The following CEP350 variants were observed in gnomAD, a reference collection of about 807,000 sequenced individuals.
CEP350 encodes centrosomal protein 350.
In CEP350, 126 loss-of-function variants were observed where a neutral mutation model predicts 331.8. The observed-to-expected ratio is 0.38, with a 90% CI of 0.33 to 0.44. The LOEUF (loss-of-function observed/expected upper bound fraction) is 0.44, where lower values mean the gene tolerates loss of function less well. CEP350 is among the 20% of genes least tolerant of loss of function. The pLI is 1.00. For missense variants in CEP350, 3,406 were observed against 3,634.6 expected (o/e 0.94, Z 1.62); for synonymous variants, 1,200 against 1,259.5 (o/e 0.95, Z 1.00).
rs901248878 is a variant in CEP350 at position 180,114,824 on chromosome 1, A to C, written c.*3663A>C. 2.6e-5 allele frequency: 4 copies of C among 152,668 alleles called. No individual in the cohort carries two copies. The highest frequency in any genetic ancestry group is 9.6e-5 in the African/African-American group (4 of 41,466). The allele number at this position is 152,668 out of a possible 1,614,324, so 9.5% of individuals were successfully genotyped here. A position where few individuals can be genotyped will look rare whatever the true frequency, so the allele number is the denominator to read the frequency against. On this transcript the variant is annotated 3_prime_UTR_variant, in exon 38 of 38. Coordinates refer to ENST00000367607, the MANE Select transcript of CEP350 (RefSeq NM_014810.5). ...CCTGTGTAAATAGATTTGTTAACTG[A>C]AATATACTTTAAGAAAGATAAAATC...
chr1:180,020,484 G>T lies in CEP350; in HGVS notation c.2710G>T (p.Ala904Ser). The change falls in exon 12 of 38, where the codon GCA becomes TCA. Residue 904 changes from alanine (A) to serine (S), a missense_variant. This residue lies in a region of CEP350 where 1,857 missense variants were observed against 1,909.2 expected (regional missense o/e 0.97). Coordinates refer to ENST00000367607, the MANE Select transcript of CEP350 (RefSeq NM_014810.5). ...QKMLGSCVSH[A>S]TFDDDLPGVG... ...GATGCTGGGAAGCTGTGTATCTCAT[G>T]CAACTTTTGATGATGATCTTCCTGG... is the stretch of plus-strand genomic sequence containing the variant. The T allele has an allele frequency of 6.2e-7, 1 of 1,613,966 alleles. No individual in the cohort carries two copies. Among genetic ancestry groups the T allele is most frequent in the Non-Finnish European group, 8.5e-7 (1 of 1,179,896 alleles).
At chr1:180,004,873 G>GGCTGGCTTGCTTGCTTGCTT (rs1265597009) in intron 7 of CEP350, among the ~76,000 whole-genome samples, 46 of 100,602 alleles carry the variant, frequency 4.6e-4, no homozygotes, top group Non-Finnish European at 8.1e-4. Context: ...CAGGCTGGCT[G>GGCTGGCTTGCTTGCTTGCTT]GCTTGCTTGC....
At chr1:179,991,791 C>T (rs937019802) in intron 4 of CEP350, among the ~76,000 whole-genome samples, 7 of 147,844 alleles carry the variant, frequency 4.7e-5, no homozygotes, top group African/African-American at 1.7e-4. Context: ...TGAGTGAGAG[C>T]CATGACAAAA....
rs918408046 is a variant in CEP350 at position 179,954,832 on chromosome 1, C to T, written c.-324C>T. On this transcript the variant is annotated 5_prime_UTR_variant, in exon 1 of 38. Transcript: ENST00000367607. ...GTCAGTTGTTGGGCTGTAATGGCGA[C>T]TGGGCCGCCCCTGACGAAGTGACTC... The T allele has an allele frequency of 7.7e-5, 33 of 428,744 alleles. No homozygotes were observed. The highest frequency in any genetic ancestry group is 1.1e-4 in the Non-Finnish European group (27 of 243,320). The allele number at this position is 428,744 out of a possible 1,614,324, so 26.6% of individuals were successfully genotyped here.
chr1:180,022,266 A>C (rs1429972301), intron 12 of CEP350, among the ~76,000 whole-genome samples: 1 of 150,526 alleles, frequency 6.6e-6, no homozygotes, highest in Non-Finnish European at 1.5e-5. Context: ...ATTTTTAATA[A>C]GAAAATTGTT....
At chr1:179,980,702 A>G (rs764514262) in intron 1 of CEP350, among the ~76,000 whole-genome samples, 5 of 151,794 alleles carry the variant, frequency 3.3e-5, no homozygotes, top group Admixed American at 6.6e-5. Context: ...GGTCAGAACC[A>G]TTTCTCTCTC....
chr1:180,055,641 C>T (rs1004807453), intron 25 of CEP350, among the ~76,000 whole-genome samples: 4 of 148,168 alleles, frequency 2.7e-5, no homozygotes, highest in African/African-American at 9.9e-5. Flanking sequence ...AGCTCCGCCT[C>T]CCAGGCGCCA....
At chr1:180,025,069 C>T (rs985821005) in intron 14 of CEP350, among the ~76,000 whole-genome samples, 40 of 151,974 alleles carry the variant, frequency 2.6e-4, no homozygotes, top group Middle Eastern at 3.4e-3. Flanking sequence ...GGACTACAGG[C>T]GCCCGCCACC....
In CEP350 at chr1:180,043,084, C is replaced by T. The variant is rs1656873468; in HGVS notation, c.4391C>T (p.Ser1464Leu). 1 of 1,613,444 alleles carries T rather than the reference C, an allele frequency of 6.2e-7. No homozygotes were observed. Among genetic ancestry groups the T allele is most frequent in the South Asian group, 1.1e-5 (1 of 91,012 alleles). ...GCAGAGTTGACTAGAACTCATATCT[C>T]AGATGCTGTCGTGGCTTCAGGAGCT... ...EMAELTRTHISDAVVASGAPL... is the reference protein window; with the variant it reads ...EMAELTRTHILDAVVASGAPL... The change falls in exon 20 of 38, where the codon TCA becomes TTA. Residue 1464 changes from serine (S) to leucine (L), a missense_variant. Ser to Leu is a moderately radical substitution (Grantham distance 145, BLOSUM62 -2). Coordinates refer to ENST00000367607, the MANE Select transcript of CEP350 (RefSeq NM_014810.5).
At chr1:180,110,302 G>A (rs1448847637) in intron 37 of CEP350, among the ~76,000 whole-genome samples, 2 of 152,180 alleles carry the variant, frequency 1.3e-5, no homozygotes, top group Non-Finnish European at 2.9e-5. Flanking sequence ...TGGTATGAAA[G>A]CAACACACAT....
At chr1:180,015,394 C>A (rs1044284316) in intron 10 of CEP350, among the ~76,000 whole-genome samples, 3 of 152,170 alleles carry the variant, frequency 2.0e-5, no homozygotes, top group African/African-American at 7.2e-5. Flanking sequence ...GCTACCTCGC[C>A]CGGCTAATTT....
intron 22 of CEP350, 39 bp from the exon 23 acceptor site, chr1:180,052,931 A>G: frequency 3.8e-6 from 3 of 792,460 alleles, no homozygotes; most frequent in Non-Finnish European, 6.2e-6. Context: ...ACTGAGAACA[A>G]TTATAATGAT....
chr1:179,973,102 C>T (rs531375000), intron 1 of CEP350, among the ~76,000 whole-genome samples: 3 of 152,060 alleles, frequency 2.0e-5, no homozygotes, highest in South Asian at 2.1e-4. Flanking sequence ...CTCCTGACCT[C>T]GTGATCCATC....
intron 37 of CEP350, among the ~76,000 whole-genome samples, chr1:180,102,891 A>G (rs1314896678): frequency 1.3e-5 from 2 of 152,258 alleles, no homozygotes; most frequent in East Asian, 3.8e-4. Context: ...GTGAATACCC[A>G]GGGTTCGTCG....
At chr1:179,983,205 A>G (rs1291346163) in intron 1 of CEP350, among the ~76,000 whole-genome samples, 2 of 152,156 alleles carry the variant, frequency 1.3e-5, no homozygotes. Context: ...TCTTAGAGCC[A>G]TATTCTATAA....
chr1:180,038,879 G>A (rs1301843925), intron 17 of CEP350, among the ~76,000 whole-genome samples: 1 of 152,136 alleles, frequency 6.6e-6, no homozygotes, highest in African/African-American at 2.4e-5. Context: ...ATGAAATCCA[G>A]TTTTAATTTC....
chr1:180,022,978 A>C, intron 13 of CEP350, 130 bp downstream of exon 13: 1 of 771,392 alleles, frequency 1.3e-6, no homozygotes, highest in Non-Finnish European at 2.0e-6. Context: ...ATCATAGTGG[A>C]GATCCAGAGC....
At chr1:180,063,808 G>C (rs988955945) in intron 26 of CEP350, among the ~76,000 whole-genome samples, 2 of 74,964 alleles carry the variant, frequency 2.7e-5, no homozygotes, top group Middle Eastern at 0.012. Flanking sequence ...GCAAGACCCT[G>C]TCTCAAAAAA....
intron 17 of CEP350, among the ~76,000 whole-genome samples, chr1:180,040,891 T>C (rs1264408085): frequency 2.0e-5 from 3 of 152,206 alleles, no homozygotes; most frequent in African/African-American, 7.2e-5. Flanking sequence ...TTTTTGGTAT[T>C]AATTCTTAGT....
Sources: allele counts gnomAD v4.1 joint callset (sites outside exome capture counted in the v4.1 genomes callset), GRCh38; gene constraint gnomAD v4.1.1; regional missense constraint gnomAD v4.1.1; transcripts MANE v1.5; gene names NCBI Gene and HGNC (gene_info 2026-07-23, HGNC 2026-07-21).